TG: variants seen among roughly 807,000 people sequenced by gnomAD.
The protein encoded by TG is thyroglobulin, also known as thyroid hormones.
A neutral mutation model predicts 324.7 loss-of-function variants in TG; 270 were observed. The observed-to-expected ratio is 0.83, with a 90% CI of 0.75 to 0.92. The LOEUF (loss-of-function observed/expected upper bound fraction) is 0.92. Ranked by LOEUF, TG falls within the 40% of genes least tolerant of loss-of-function variation. The probability of loss-of-function intolerance (pLI) is 0.00; values close to 1 mark genes in which losing one functional copy is unlikely to be tolerated. For missense variants in TG, 3,591 were observed against 3,456.4 expected (o/e 1.04, Z -0.98); for synonymous variants, 1,401 against 1,327.0 (o/e 1.06, Z -1.21).
At chr8:133,065,768 T>TAATAA (rs60174705) in intron 41 of TG, among the ~76,000 whole-genome samples, 2,804 of 150,794 alleles carry the variant, frequency 0.019, 91 homozygotes, top group African/African-American at 0.058. Flanking sequence ...GTCTCAAAAA[T>TAATAA]AATAAAATAA....
intron 40 of TG, among the ~76,000 whole-genome samples, chr8:133,024,502 A>G (rs1418971950): frequency 6.6e-6 from 1 of 151,896 alleles, no homozygotes; most frequent in East Asian, 1.9e-4. Flanking sequence ...TCAACCTGTA[A>G]TCTAGGTTTT....
intron 29 of TG, 85 bp from the exon 30 acceptor site, chr8:132,966,475 T>G: frequency 7.0e-7 from 1 of 1,437,966 alleles, no homozygotes; most frequent in Non-Finnish European, 9.8e-7. Context: ...TCTGTGTGTG[T>G]GTGTGTGTGT....
At chr8:132,873,892 C>T (rs927826483) in intron 5 of TG, among the ~76,000 whole-genome samples, 10 of 152,096 alleles carry the variant, frequency 6.6e-5, no homozygotes, top group South Asian at 2.1e-4. Context: ...GGCAGAAGGC[C>T]GGGCGCAGTG....
intron 18 of TG, among the ~76,000 whole-genome samples, chr8:132,908,584 A>T (rs1819034935): frequency 6.6e-6 from 1 of 151,984 alleles, no homozygotes; most frequent in African/African-American, 2.4e-5. Context: ...GTGCTTGTTC[A>T]AGTCTTTTGA....
In TG at chr8:132,906,218, T is replaced by A. The variant is rs117874269; in HGVS notation, c.3635-470T>A. Among the ~76,000 whole-genome samples the A allele has an allele frequency of 2.1e-3, 326 of 152,060 alleles. 1 individual carries two copies. Among genetic ancestry groups the A allele is most frequent in the Non-Finnish European group, 3.8e-3 (259 of 67,972 alleles). On this transcript the variant is annotated intron_variant, in intron 16 of 47. Transcript: ENST00000220616. ...CGAAGAGACATGGAGCAGGTGTGAA[T>A]GGTGACCAAGACAGAGGAGATGAAC... is the stretch of plus-strand genomic sequence containing the variant.
At chr8:132,869,480 G>A (rs1839274202) in intron 2 of TG, among the ~76,000 whole-genome samples, 1 of 152,180 alleles carries the variant, frequency 6.6e-6, no homozygotes, top group South Asian at 2.1e-4. Context: ...ACTTGTTTTG[G>A]GGCTGGCAGG....
chr8:132,876,398 C>G (rs181991555), intron 5 of TG, among the ~76,000 whole-genome samples: 3 of 152,218 alleles, frequency 2.0e-5, no homozygotes, highest in Admixed American at 6.5e-5. Context: ...GGAAAAGCCA[C>G]AAGCTTTGTT....
intron 30 of TG, among the ~76,000 whole-genome samples, chr8:132,967,224 A>G (rs986846600): frequency 2.5e-5 from 2 of 79,330 alleles, no homozygotes; most frequent in African/African-American, 2.3e-4. Context: ...CCATCCATCC[A>G]TCCATCCATC....
chr8:133,130,991 G>A (rs568342925), intron 45 of TG, among the ~76,000 whole-genome samples: 1 of 152,334 alleles, frequency 6.6e-6, no homozygotes, highest in Non-Finnish European at 1.5e-5. Context: ...CAGAGGGAGT[G>A]TGGTGATTGA....
At chr8:133,062,933 G>A (rs1842590222) in intron 41 of TG, among the ~76,000 whole-genome samples, 1 of 152,186 alleles carries the variant, frequency 6.6e-6, no homozygotes, top group Non-Finnish European at 1.5e-5. Context: ...CATGTGACAT[G>A]CACAGGCTGT....
At chr8:133,033,512 T>G (rs1446610766) in intron 41 of TG, among the ~76,000 whole-genome samples, 1 of 152,226 alleles carries the variant, frequency 6.6e-6, no homozygotes, top group Non-Finnish European at 1.5e-5. Flanking sequence ...TCTGCATTCC[T>G]CAGGGTGAAC....
Position 132,882,978 on chromosome 8 carries a change from C to G in TG, c.1054C>G (p.Gln352Glu). The G allele has an allele frequency of 6.2e-7, 1 of 1,613,958 alleles. No homozygotes were observed. The highest frequency in any genetic ancestry group is 8.5e-7 in the Non-Finnish European group (1 of 1,179,934). ...QGKEMHGTRQQGEPPSCAEGQ... is the reference protein window; with the variant it reads ...QGKEMHGTRQEGEPPSCAEGQ... ...GAAGGAAATGCATGGAACCCGGCAG[C>G]AAGGGGAGCCGCCATCTTGTGGTGG... The change falls in exon 8 of 48, where the codon CAA (glutamine) becomes GAA (glutamate). Residue 352 changes from glutamine to glutamate, a missense_variant. Transcript: ENST00000220616.
intron 16 of TG, among the ~76,000 whole-genome samples, chr8:132,902,584 C>T (rs534645961): frequency 6.6e-6 from 1 of 152,342 alleles, no homozygotes; most frequent in South Asian, 2.1e-4. Flanking sequence ...TCTTGACTCT[C>T]TATCATCTGC....
chr8:132,929,521 TG>T (rs1822383636), intron 23 of TG, among the ~76,000 whole-genome samples: 2 of 152,204 alleles, frequency 1.3e-5, no homozygotes, highest in Admixed American at 1.3e-4. Flanking sequence ...TAATAAAGGC[TG>T]CCATTTATTG....
At chr8:132,903,249 C>CT (rs1818181566) in intron 16 of TG, among the ~76,000 whole-genome samples, 1 of 152,228 alleles carries the variant, frequency 6.6e-6, no homozygotes, top group African/African-American at 2.4e-5. Flanking sequence ...GTTTTTAAGA[C>CT]TGGGGAGCTA....
At chr8:133,028,906 T>G (rs1337817732) in intron 40 of TG, among the ~76,000 whole-genome samples, 1 of 152,142 alleles carries the variant, frequency 6.6e-6, no homozygotes, top group East Asian at 1.9e-4. Flanking sequence ...TGGTGCCTCA[T>G]GGAGAAACGT....
At chr8:133,067,913 AG>A (rs139361687) in intron 41 of TG, among the ~76,000 whole-genome samples, 29,714 of 75,780 alleles carry the variant, frequency 0.39, 3,547 homozygotes, top group Non-Finnish European at 0.48. Flanking sequence ...GAAGGAAGGA[AG>A]GAAAGAGAGA....
rs191801401 is a variant in TG, at chr8:133,019,516, T to G, written c.6783-86T>G. 3.2e-3 allele frequency: 3,596 copies of G among 1,116,666 alleles called. 24 individuals are homozygous for G. Among genetic ancestry groups the G allele is most frequent in the Non-Finnish European group, 2.4e-3 (1,735 of 736,248 alleles). 69.2% of individuals were successfully genotyped at this position (1,116,666 alleles called of 1,614,324 possible). On this transcript the variant is annotated intron_variant, in intron 38 of 47. Transcript: ENST00000220616. ...GCTGGTGGGATGCCAGGCTTTGGAA[T>G]GGGGTAGTGGGCTCTGACCATGGTG...
chr8:133,088,090 G>A (rs1846894267), intron 41 of TG, among the ~76,000 whole-genome samples: 1 of 152,210 alleles, frequency 6.6e-6, no homozygotes, highest in South Asian at 2.1e-4. Flanking sequence ...CAATAGAGGC[G>A]AGAGCTCTGT....
Sources: gnomAD v4.1 joint callset for allele counts (sites outside exome capture counted in the v4.1 genomes callset) on GRCh38, gnomAD v4.1.1 for gene constraint, MANE v1.5 for transcripts, NCBI Gene and HGNC (gene_info 2026-07-23, HGNC 2026-07-21) for gene names.